Variants in PSD2 observed in about 807,000 individuals in gnomAD.
PSD2 encodes pleckstrin and Sec7 domain containing 2.
A neutral mutation model predicts 69.8 loss-of-function variants in PSD2; 38 were observed. The observed-to-expected ratio is 0.54, with a 90% CI of 0.42 to 0.71. PSD2 has a LOEUF of 0.71. Ranked by LOEUF, PSD2 falls within the 30% of genes least tolerant of loss-of-function variation. The probability of loss-of-function intolerance (pLI) is 0.00; values close to 1 mark genes in which losing one functional copy is unlikely to be tolerated. For synonymous variants in PSD2, 412 were observed against 423.0 expected, an observed-to-expected ratio of 0.97 and a Z score of 0.32; for missense variants, 943 against 1,014.5, an observed-to-expected ratio of 0.93 and a Z score of 0.96.
At chr5:139,811,067 G>A (rs1361413536) in intron 2 of PSD2, among the ~76,000 whole-genome samples, 5 of 152,144 alleles carry the variant, frequency 3.3e-5, no homozygotes, top group Non-Finnish European at 7.4e-5. Context: ...GCCTGGCAGA[G>A]GTGTCTTTAC....
At chr5:139,777,292 C>T in the PSD2 span, among the ~76,000 whole-genome samples, 1 of 152,146 alleles carries the variant, frequency 6.6e-6, no homozygotes, top group Admixed American at 6.5e-5. Flanking sequence ...AAAATATGCA[C>T]AAGGGAAAAA....
the PSD2 span, among the ~76,000 whole-genome samples, chr5:139,780,839 A>G: frequency 1.3e-5 from 2 of 152,244 alleles, no homozygotes; most frequent in East Asian, 1.9e-4. Flanking sequence ...CGCCATGTCC[A>G]GACCCTTGGT....
intron 7 of PSD2, among the ~76,000 whole-genome samples, chr5:139,830,626 CTCTTTCTTTCTT>C (rs56225945): frequency 1.1e-4 from 11 of 97,676 alleles, no homozygotes; most frequent in East Asian, 5.2e-4. Context: ...TTCTTTCTTT[CTCTTTCTTTCTT>C]TCTTTCTTTC....
intron 7 of PSD2, among the ~76,000 whole-genome samples, chr5:139,828,214 T>C (rs1403695230): frequency 6.6e-6 from 1 of 151,542 alleles, no homozygotes; most frequent in Non-Finnish European, 1.5e-5. Context: ...TTGCACAGCC[T>C]ATGGCACTGG....
At chr5:139,785,552 C>T in the PSD2 span, among the ~76,000 whole-genome samples, 8 of 152,152 alleles carry the variant, frequency 5.3e-5, no homozygotes, top group Non-Finnish European at 4.4e-5. Flanking sequence ...GCCTGTTTTC[C>T]CTGTGATGCT....
the PSD2 span, among the ~76,000 whole-genome samples, chr5:139,774,120 C>T: frequency 2.3e-4 from 35 of 151,158 alleles, no homozygotes; most frequent in South Asian, 6.5e-3. Context: ...CCGCAGCACT[C>T]GGTCTCGTTT....
the PSD2 span, among the ~76,000 whole-genome samples, chr5:139,758,833 G>A: frequency 1.3e-5 from 2 of 152,106 alleles, no homozygotes; most frequent in Non-Finnish European, 2.9e-5. Flanking sequence ...GTTGACCTGG[G>A]CATGTGACTT....
rs2126970270 is a variant in PSD2 at position 139,839,088 on chromosome 5, C to T, written c.1968+316C>T. On this transcript the variant is annotated intron_variant, in intron 13 of 14. Coordinates refer to ENST00000274710, the MANE Select transcript of PSD2 (RefSeq NM_032289.4). This position sits in a 1 kb window ranked among gnomAD's most constrained non-coding sequence, Gnocchi z 5.1. ...CACAAATGCAAGAGACCGTGTGTCA[C>T]AGGGAGCTTGCACAGGTGACACCTG... Among the ~76,000 whole-genome samples the T allele has an allele frequency of 6.6e-6, 1 of 152,370 alleles. No homozygotes were observed. The highest frequency in any genetic ancestry group is 3.4e-3 in the Middle Eastern group (1 of 294).
At chr5:139,825,101 G>A (rs1760382514) in intron 7 of PSD2, among the ~76,000 whole-genome samples, 1 of 152,192 alleles carries the variant, frequency 6.6e-6, no homozygotes, top group Non-Finnish European at 1.5e-5. Context: ...GACAAGAAAG[G>A]GAGCCCCACC....
chr5:139,822,099 G>C (rs576516949), intron 6 of PSD2, 94 bp downstream of exon 6: 1 of 713,876 alleles, frequency 1.4e-6, no homozygotes, highest in Admixed American at 2.3e-5. Flanking sequence ...CTTCGGTCCT[G>C]TTGCCAGGCC....
Position 139,814,563 on chromosome 5 carries a change from G to A in PSD2, c.1016+199G>A, listed in dbSNP as rs907273432. 2.6e-5 allele frequency among the ~76,000 whole-genome samples: 4 copies of A among 152,006 alleles called. No homozygotes were observed. Among genetic ancestry groups the A allele is most frequent in the African/African-American group, 4.8e-5 (2 of 41,352 alleles). On this transcript the variant is annotated intron_variant, in intron 4 of 14. Transcript: ENST00000274710. This position sits in a 1 kb window ranked among gnomAD's most constrained non-coding sequence, Gnocchi z 4.4. ...TGTTTCCTTTCTGGGCTGCTTGGGC[G>A]AAGCTGATGCTCTCGGGGAGGGGTG...
In PSD2 at chr5:139,838,724, G is replaced by A. The variant is rs1277203905; in HGVS notation, c.1920G>A (p.Lys640=). 1 of 1,613,878 alleles carries A rather than the reference G, an allele frequency of 6.2e-7. No individual in the cohort carries two copies. Among genetic ancestry groups the A allele is most frequent in the South Asian group, 1.1e-5 (1 of 91,054 alleles). Residue 640 remains lysine (K), a synonymous_variant, in exon 13 of 15, where the codon AAG becomes AAA. Transcript: ENST00000274710. The part of the protein sequence containing the change: ...PAFPAAVSSM[K]KFCRPLLPSC... ...TCCCAGCCGCTGTCAGCTCCATGAAGAAGTTCTGTCGGCCCCTGCTGCCCT... is the reference window on the plus strand; with the variant it reads ...TCCCAGCCGCTGTCAGCTCCATGAAAAAGTTCTGTCGGCCCCTGCTGCCCT...
Position 139,809,452 on chromosome 5 carries a change from C to G in PSD2, c.12C>G (p.Asp4Glu), listed in dbSNP as rs199676374. Reference protein sequence around the residue: MEEDKLLSAVPEEG... With the variant: MEEEKLLSAVPEEG... ...AAGCAGTGGCTGCCATGGAGGAGGA[C>G]AAGCTCTTATCTGCAGTGCCTGAGG... The change falls in exon 2 of 15, where the codon GAC becomes GAG. Residue 4 changes from aspartate (D) to glutamate (E), a missense_variant. Transcript: ENST00000274710. 3 of 1,611,288 alleles carry G rather than the reference C, an allele frequency of 1.9e-6. No individual in the cohort carries two copies. The highest frequency in any genetic ancestry group is 2.7e-5 in the African/African-American group (2 of 74,888).
upstream of PSD2, among the ~76,000 whole-genome samples, chr5:139,792,430 C>T (rs1759430135): frequency 6.6e-6 from 1 of 152,284 alleles, no homozygotes; most frequent in South Asian, 2.1e-4. Context: ...CTGGCCCCCC[C>T]TCCCCCCATA....
At chr5:139,753,794 C>CTA in the PSD2 span, among the ~76,000 whole-genome samples, 1 of 151,728 alleles carries the variant, frequency 6.6e-6, no homozygotes, top group Non-Finnish European at 1.5e-5. Flanking sequence ...CTTGGAAAGG[C>CTA]TATACCTCCC....
chr5:139,763,654 C>A, the PSD2 span, among the ~76,000 whole-genome samples: 3 of 152,218 alleles, frequency 2.0e-5, no homozygotes, highest in Non-Finnish European at 4.4e-5. Flanking sequence ...CTGCTCCTCT[C>A]GGAATGGAGG....
the PSD2 span, among the ~76,000 whole-genome samples, chr5:139,749,958 G>A: frequency 1.3e-5 from 2 of 151,998 alleles, no homozygotes; most frequent in Non-Finnish European, 2.9e-5. Context: ...TTGAACCCAG[G>A]AGGTTGAGGC....
chr5:139,766,853 T>C, the PSD2 span, among the ~76,000 whole-genome samples: 25 of 149,078 alleles, frequency 1.7e-4, no homozygotes, highest in East Asian at 4.0e-4. Flanking sequence ...CTTTCTTTCT[T>C]TCTTTCTTTC....
intron 7 of PSD2, among the ~76,000 whole-genome samples, chr5:139,823,999 A>T (rs746675269): frequency 1.3e-5 from 2 of 152,222 alleles, no homozygotes; most frequent in Non-Finnish European, 2.9e-5. Context: ...ATGCAACCTG[A>T]GTGTGGAACA....
Sources: gnomAD v4.1 joint callset for allele counts (sites outside exome capture counted in the v4.1 genomes callset) on GRCh38, gnomAD v4.1.1 for gene constraint, Gnocchi (gnomAD v3.1) non-coding constraint, MANE v1.5 for transcripts, NCBI Gene and HGNC (gene_info 2026-07-23, HGNC 2026-07-21) for gene names.